ROBO2: variants seen among roughly 807,000 people sequenced by gnomAD.
The protein encoded by ROBO2 is roundabout guidance receptor 2, also known as roundabout homolog 2.
Under a neutral mutation model 160.8 loss-of-function variants are expected in ROBO2, and 53 were observed. That is an observed-to-expected ratio of 0.33 (90% CI 0.26 to 0.41). The LOEUF is 0.41. ROBO2 is among the 10% of genes least tolerant of loss of function. The pLI, the probability that ROBO2 is intolerant of heterozygous loss-of-function variation, is 1.00. For missense variants in ROBO2, 1,577 were observed against 1,722.4 expected (o/e 0.92, Z 1.49); for synonymous variants, 664 against 611.7 (o/e 1.09, Z -1.26).
chr3:76,637,198 C>T (rs555448028), intron 2 of ROBO2, among the ~76,000 whole-genome samples: 1 of 152,090 alleles, frequency 6.6e-6, no homozygotes, highest in South Asian at 2.1e-4. Context: ...AGGGAGAAGC[C>T]CTGTGTGTCT....
intron 2 of ROBO2, among the ~76,000 whole-genome samples, chr3:76,868,139 A>G (rs1197330032): frequency 6.6e-6 from 1 of 152,198 alleles, no homozygotes; most frequent in South Asian, 2.1e-4. Context: ...AAATACATAC[A>G]TATTTCAATT....
At chr3:76,430,829 C>T (rs535917833) in intron 2 of ROBO2, among the ~76,000 whole-genome samples, 3 of 151,722 alleles carry the variant, frequency 2.0e-5, no homozygotes, top group Non-Finnish European at 4.4e-5. Flanking sequence ...GAACATTTTG[C>T]GTATATGTTA....
intron 2 of ROBO2, among the ~76,000 whole-genome samples, chr3:77,337,315 C>A (rs1382074557): frequency 6.6e-6 from 1 of 152,092 alleles, no homozygotes; most frequent in Non-Finnish European, 1.5e-5. Context: ...GAAAGAAAAC[C>A]TTTGCCCTAA....
intron 12 of ROBO2, among the ~76,000 whole-genome samples, chr3:77,565,573 G>T (rs935369749): frequency 3.3e-5 from 5 of 152,070 alleles, no homozygotes; most frequent in African/African-American, 4.8e-5. Flanking sequence ...TGCATAGCCT[G>T]CAACTGTTAG....
chr3:77,410,529 TCC>T (rs1491404299), intron 2 of ROBO2, among the ~76,000 whole-genome samples: 1 of 145,940 alleles, frequency 6.9e-6, no homozygotes, highest in East Asian at 2.1e-4. Context: ...CTCCTCCTCT[TCC>T]TCCTCCTCTT....
At chr3:76,518,682 T>C (rs1271479646) in intron 2 of ROBO2, among the ~76,000 whole-genome samples, 1 of 152,168 alleles carries the variant, frequency 6.6e-6, no homozygotes. Flanking sequence ...ACATCTTTAT[T>C]TGTGTTATTT....
intron 2 of ROBO2, among the ~76,000 whole-genome samples, chr3:76,867,791 TGGGAAA>T (rs1004158313): frequency 1.1e-4 from 17 of 152,302 alleles, no homozygotes; most frequent in African/African-American, 4.1e-4. Context: ...GCATGAGCCT[TGGGAAA>T]GGGAAAGGGA....
At chr3:76,807,599 G>A (rs1319062254) in intron 2 of ROBO2, among the ~76,000 whole-genome samples, 1 of 151,978 alleles carries the variant, frequency 6.6e-6, no homozygotes, top group African/African-American at 2.4e-5. Context: ...CAATTTATTA[G>A]AGAAGTAAAC....
intron 25 of ROBO2, 73 bp from the exon 28 acceptor site, chr3:77,645,981 C>T (rs1448656303): frequency 9.6e-6 from 11 of 1,141,126 alleles, no homozygotes; most frequent in Non-Finnish European, 1.3e-5. Flanking sequence ...GTTGGCTTTG[C>T]TTTTTGTTAT....
At chr3:76,892,391 T>C (rs3911531) in intron 2 of ROBO2, among the ~76,000 whole-genome samples, 26,767 of 152,112 alleles carry the variant, frequency 0.18, 2,501 homozygotes, top group South Asian at 0.23. Context: ...ACTTAGCCCA[T>C]AGCCATTACC....
intron 2 of ROBO2, among the ~76,000 whole-genome samples, chr3:77,332,312 G>A (rs1041610816): frequency 2.6e-5 from 4 of 152,096 alleles, no homozygotes; most frequent in Non-Finnish European, 4.4e-5. Context: ...ATGGCACAAC[G>A]CTGTGGTGAA....
At chr3:77,421,877 A>G (rs140070686) in intron 2 of ROBO2, among the ~76,000 whole-genome samples, 4 of 152,166 alleles carry the variant, frequency 2.6e-5, no homozygotes, top group African/African-American at 9.6e-5. Context: ...TTAAGTTTAA[A>G]AAACAAGATC....
chr3:77,081,211 T>C (rs528362796), intron 1 of ROBO2, among the ~76,000 whole-genome samples: 1 of 152,316 alleles, frequency 6.6e-6, no homozygotes, highest in South Asian at 2.1e-4. Context: ...TATAAACACA[T>C]CACTGTAAAT....
At chr3:76,263,444 A>C (rs1170411022) in intron 2 of ROBO2, among the ~76,000 whole-genome samples, 2 of 151,972 alleles carry the variant, frequency 1.3e-5, no homozygotes, top group African/African-American at 4.8e-5. Flanking sequence ...GCTGATCTCA[A>C]ACTTCTGGAC....
intron 2 of ROBO2, among the ~76,000 whole-genome samples, chr3:76,516,942 C>T (rs1172112135): frequency 6.6e-6 from 1 of 152,030 alleles, no homozygotes; most frequent in African/African-American, 2.4e-5. Flanking sequence ...GAATGTTGCT[C>T]TAAAGAGACA....
chr3:77,110,292 A>ATC (rs2073398943), intron 2 of ROBO2, among the ~76,000 whole-genome samples: 1 of 152,194 alleles, frequency 6.6e-6, no homozygotes. Context: ...TAGCAATGAT[A>ATC]TCTTACTACT....
intron 2 of ROBO2, among the ~76,000 whole-genome samples, chr3:75,948,837 A>G (rs1948427438): frequency 6.6e-6 from 1 of 152,200 alleles, no homozygotes; most frequent in African/African-American, 2.4e-5. Context: ...TTATGTTATA[A>G]AAACAAGTTT....
At chr3:77,066,828 C>A (rs980627997) in intron 1 of ROBO2, among the ~76,000 whole-genome samples, 1 of 152,110 alleles carries the variant, frequency 6.6e-6, no homozygotes, top group Admixed American at 6.6e-5. Flanking sequence ...AATTATCCTT[C>A]TATTTTCTCC....
At chr3:76,527,468 A>G (rs553408048) in intron 2 of ROBO2, among the ~76,000 whole-genome samples, 2 of 152,084 alleles carry the variant, frequency 1.3e-5, no homozygotes. Flanking sequence ...ATTCTATTTC[A>G]TATTGCAAAC....
Sources: gnomAD v4.1 joint callset for allele counts (sites outside exome capture counted in the v4.1 genomes callset) on GRCh38, gnomAD v4.1.1 for gene constraint, MANE v1.5 for transcripts, NCBI Gene and HGNC (gene_info 2026-07-23, HGNC 2026-07-21) for gene names.